The following ARHGAP45 variants were observed in gnomAD, a reference collection of about 807,000 sequenced individuals.
ARHGAP45 encodes the protein Rho GTPase activating protein 45.
A neutral mutation model predicts 116.1 loss-of-function variants in ARHGAP45; 56 were observed. That is an observed-to-expected ratio of 0.48 (90% CI 0.39 to 0.60). ARHGAP45 has a LOEUF of 0.60. Ranked by LOEUF, ARHGAP45 falls within the 20% of genes least tolerant of loss-of-function variation. The pLI, the probability that ARHGAP45 is intolerant of heterozygous loss-of-function variation, is 0.00. For missense variants in ARHGAP45, 1,622 were observed against 1,601.0 expected (o/e 1.01, Z -0.22); for synonymous variants, 866 against 701.7 (o/e 1.23, Z -3.70).
chr19:1,079,170 ACT>A (rs1437889233), intron 11 of ARHGAP45, among the ~76,000 whole-genome samples: 2 of 132,610 alleles, frequency 1.5e-5, no homozygotes, highest in African/African-American at 3.1e-5. Flanking sequence ...ACAGAACGAG[ACT>A]CTGTCTCAAA....
In ARHGAP45 at chr19:1,079,798, G is replaced by A; in HGVS notation, c.1470G>A (p.Gln490=). The A allele has an allele frequency of 6.2e-7, 1 of 1,610,116 alleles. No homozygotes were observed. Among genetic ancestry groups the A allele is most frequent in the Non-Finnish European group, 8.5e-7 (1 of 1,177,624 alleles). ...ATACCAAGGTGACGGCGCTGCGGCA[G>A]ATCCAGGAGGTCATCCGGCAGAGCG... ...LEDTKVTALR[Q]IQEVIRQSDQ... The change falls in exon 12 of 23, where the codon CAG becomes CAA. Residue 490 remains glutamine (Q), a synonymous_variant. Transcript: ENST00000313093.
chr19:1,080,818 G>A (rs932186888), intron 16 of ARHGAP45, 32 bp downstream of exon 16: 12 of 1,610,896 alleles, frequency 7.4e-6, no homozygotes, highest in Non-Finnish European at 1.0e-5. Flanking sequence ...TGGAGAGAGA[G>A]GGGGGTTTGG....
At chr19:1,081,524 G>A (rs2043433287) in intron 17 of ARHGAP45, 26 bp from the exon 18 acceptor site, 3 of 1,449,092 alleles carry the variant, frequency 2.1e-6, no homozygotes, top group Non-Finnish European at 2.7e-6. Flanking sequence ...CCCGGGGCTG[G>A]GCTCACTCAC....
At chr19:1,077,597 G>A in intron 10 of ARHGAP45, 1 of 1,310,492 alleles carries the variant, frequency 7.6e-7, no homozygotes, top group Non-Finnish European at 1.0e-6. Flanking sequence ...TGTTGGCCAG[G>A]CTGGTCTCAA....
In ARHGAP45 at chr19:1,073,889, G is replaced by A. The variant is rs1360027427; in HGVS notation, c.724-59G>A. 8 of 1,531,198 alleles carry A rather than the reference G, an allele frequency of 5.2e-6. No homozygotes were observed. The East Asian group carries it at 2.0e-4, about 37-fold the overall frequency. 94.9% of individuals were successfully genotyped at this position (1,531,198 alleles called of 1,614,324 possible). On this transcript the variant is annotated intron_variant, in intron 5 of 22. Transcript: ENST00000313093. ...GGGAGGCAGCAACCGTCCCCTGAAGGGTGGGCACTGCCCAGGGCCCCGCAT... is the reference window on the plus strand; with the variant it reads ...GGGAGGCAGCAACCGTCCCCTGAAGAGTGGGCACTGCCCAGGGCCCCGCAT...
intron 18 of ARHGAP45, 37 bp downstream of exon 18, chr19:1,081,775 CGGGAG>C (rs755398442): frequency 6.4e-7 from 1 of 1,568,208 alleles, no homozygotes; most frequent in Admixed American, 1.8e-5. Flanking sequence ...AGCGAGGAGG[CGGGAG>C]TGGGCCGAGG....
At chr19:1,078,175 G>A (rs1197594040) in intron 11 of ARHGAP45, 130 bp downstream of exon 11, 7 of 1,403,006 alleles carry the variant, frequency 5.0e-6, no homozygotes, top group Middle Eastern at 2.6e-4. Context: ...ACGGAGTCTT[G>A]CTCTGTCGCC....
In ARHGAP45 at chr19:1,074,810, G is replaced by C; in HGVS notation, c.1116G>C (p.Leu372=). ...CCGTCTCGCCCCAGCCCCTGACCCT[G>C]CGGCGGCTTGAACACGAGAAGCGCA... ...QTQTFMQPLT[L]RRLEHEKRRK... Residue 372 remains leucine, a synonymous_variant, in exon 10 of 23, where the codon CTG becomes CTC. Coordinates refer to ENST00000313093, the MANE Select transcript of ARHGAP45 (RefSeq NM_012292.5). 6.2e-7 allele frequency: 1 copy of C among 1,601,398 alleles called. No homozygotes were observed.
rs958570777 is a variant in ARHGAP45 at position 1,086,530 on chromosome 19, C to T, written c.*524C>T. ...CCTTTTCCAGAACACCAGGTGTGGC[C>T]ACCTGGGGCTCAGGTACACAGTGGG... On this transcript the variant is annotated 3_prime_UTR_variant, in exon 23 of 23. Coordinates refer to ENST00000313093, the MANE Select transcript of ARHGAP45 (RefSeq NM_012292.5). 1 of 152,818 alleles carries T rather than the reference C, an allele frequency of 6.5e-6. No homozygotes were observed. The highest frequency in any genetic ancestry group is 1.5e-5 in the Non-Finnish European group (1 of 68,362). 9.5% of individuals were successfully genotyped at this position (152,818 alleles called of 1,614,324 possible). A position where few individuals can be genotyped will look rare whatever the true frequency, so the allele number is the denominator to read the frequency against.
chr19:1,085,624 G>A (rs2043604002), intron 22 of ARHGAP45, 36 bp from the exon 23 acceptor site: 12 of 1,455,688 alleles, frequency 8.2e-6, no homozygotes, highest in Non-Finnish European at 1.1e-5. Flanking sequence ...CATCTCTCCT[G>A]TCTGTCTCCC....
Position 1,068,355 on chromosome 19 carries a change from C to G in ARHGAP45, c.91-59C>G, listed in dbSNP as rs1388021679. On this transcript the variant is annotated intron_variant, in intron 1 of 22. Coordinates refer to ENST00000313093, the MANE Select transcript of ARHGAP45 (RefSeq NM_012292.5). The surrounding 1 kb of genome is among the most constrained non-coding windows in gnomAD (Gnocchi z 7.5). ...CAGCCCCACTTCATTTCTGGGGAAA[C>G]TGAGGCCGTGTCCAGGCCGGAAAAT... is the stretch of plus-strand genomic sequence containing the variant. 4.3e-6 allele frequency: 6 copies of G among 1,408,382 alleles called. No individual in the cohort carries two copies. The highest frequency in any genetic ancestry group is 1.5e-5 in the African/African-American group (1 of 68,892). The allele number at this position is 1,408,382 out of a possible 1,614,324, so 87.2% of individuals were successfully genotyped here.
chr19:1,075,033 CCCAA>C (rs1229139564), intron 10 of ARHGAP45, among the ~76,000 whole-genome samples, 154 bp downstream of exon 10: 10 of 133,102 alleles, frequency 7.5e-5, no homozygotes, highest in Non-Finnish European at 1.7e-4. Context: ...GGCCGCCCCC[CCCAA>C]CGCCAAGCCG....
At chr19:1,085,283 G>C (rs564183779) in intron 22 of ARHGAP45, among the ~76,000 whole-genome samples, 1 of 152,158 alleles carries the variant, frequency 6.6e-6, no homozygotes, top group Admixed American at 6.5e-5. Flanking sequence ...TGAAACCCAC[G>C]TACTATCATG....
At chr19:1,076,777 A>G (rs973324706) in intron 10 of ARHGAP45, among the ~76,000 whole-genome samples, 2 of 152,078 alleles carry the variant, frequency 1.3e-5, no homozygotes, top group East Asian at 3.8e-4. Flanking sequence ...AATTATAGGC[A>G]TAAGACACCG....
At chr19:1,079,127 C>T (rs1288569176) in intron 11 of ARHGAP45, among the ~76,000 whole-genome samples, 2 of 151,088 alleles carry the variant, frequency 1.3e-5, no homozygotes, top group African/African-American at 4.9e-5. Context: ...TTGCAGTGAG[C>T]CGAGATCGCG....
At chr19:1,082,551 A>G in intron 19 of ARHGAP45, 1 of 457,078 alleles carries the variant, frequency 2.2e-6, no homozygotes. Context: ...GGTGGTTGGG[A>G]AGGGGTCAGA....
chr19:1,076,403 C>T (rs2043248899), intron 10 of ARHGAP45, among the ~76,000 whole-genome samples: 1 of 151,878 alleles, frequency 6.6e-6, no homozygotes, highest in African/African-American at 2.4e-5. Context: ...CCATTCCCCT[C>T]CCACAATTTA....
In ARHGAP45 at chr19:1,085,558, C is replaced by A. The variant is rs146236460; in HGVS notation, c.3065-102C>A. On this transcript the variant is annotated intron_variant, in intron 22 of 22. Transcript: ENST00000313093. ...TCTCTCCTGTCTCTCCATCTCTCTCCCCCCTCTCCTGTCTCTCCCCATCTC... is the reference window on the plus strand; with the variant it reads ...TCTCTCCTGTCTCTCCATCTCTCTCACCCCTCTCCTGTCTCTCCCCATCTC... 2.8e-4 allele frequency: 232 copies of A among 841,134 alleles called. No individual in the cohort carries two copies. In the African/African-American group the frequency reaches 3.4e-3, roughly 12 times the overall value. The allele number at this position is 841,134 out of a possible 1,614,324, so 52.1% of individuals were successfully genotyped here.
rs772464230 is a variant in ARHGAP45, at chr19:1,067,402, C to T, written c.-4C>T. 2.5e-6 allele frequency: 4 copies of T among 1,577,338 alleles called. No homozygotes were observed. In the Admixed American group the frequency reaches 5.6e-5, roughly 22 times the overall value. ...CCCCTCGGGCTCCCGGCCGGGGCCCCATCATGTTCTCCAGGAAGAAACGAG... is the reference window on the plus strand; with the variant it reads ...CCCCTCGGGCTCCCGGCCGGGGCCCTATCATGTTCTCCAGGAAGAAACGAG... On this transcript the variant is annotated 5_prime_UTR_variant, in exon 1 of 23. Coordinates refer to ENST00000313093, the MANE Select transcript of ARHGAP45 (RefSeq NM_012292.5).
Sources: gnomAD v4.1 joint callset for allele counts (sites outside exome capture counted in the v4.1 genomes callset) on GRCh38, gnomAD v4.1.1 for gene constraint, Gnocchi (gnomAD v3.1) non-coding constraint, MANE v1.5 for transcripts, NCBI Gene and HGNC (gene_info 2026-07-23, HGNC 2026-07-21) for gene names.